Variants in B4GALT5 observed in about 807,000 individuals in gnomAD.
B4GALT5 encodes UDP-Gal:beta-GlcNAc beta-1,4-galactosyltransferase 5.
In B4GALT5, 11 loss-of-function variants were observed where a neutral mutation model predicts 45.0. That is an observed-to-expected ratio of 0.24 (90% CI 0.15 to 0.40). B4GALT5 has a LOEUF of 0.40. Ranked by LOEUF, B4GALT5 falls within the 10% of genes least tolerant of loss-of-function variation. The pLI is 1.00. For missense variants in B4GALT5, 337 were observed against 500.2 expected, an observed-to-expected ratio of 0.67 and a Z score of 3.11; for synonymous variants, 185 against 182.9, an observed-to-expected ratio of 1.01 and a Z score of -0.09.
chr20:49,639,673 G>C lies in B4GALT5; in HGVS notation c.917+5C>G, dbSNP rs759902427. The C allele has an allele frequency of 6.2e-7, 1 of 1,613,224 alleles. No individual in the cohort carries two copies. Among genetic ancestry groups the C allele is most frequent in the African/African-American group, 1.3e-5 (1 of 75,020 alleles). ...TAGAAGACACCGAAAGAACGGCAGA[G>C]GTACCTGTTCCAGAGGTCGTCATCT... is the stretch of plus-strand genomic sequence containing the variant. On this transcript the variant is annotated splice_donor_5th_base_variant and intron_variant, in intron 7 of 8. Transcript: ENST00000371711.
intron 1 of B4GALT5, among the ~76,000 whole-genome samples, chr20:49,709,337 G>A (rs2085898043): frequency 2.0e-5 from 3 of 152,070 alleles, no homozygotes; most frequent in African/African-American, 7.2e-5. Flanking sequence ...GAAGAGAAGG[G>A]ACATCACATT....
chr20:49,644,224 G>A (rs2085589578), intron 3 of B4GALT5, among the ~76,000 whole-genome samples: 2 of 151,898 alleles, frequency 1.3e-5, no homozygotes, highest in African/African-American at 4.8e-5. Flanking sequence ...ACTGTGCCCA[G>A]CCTTCTTTTT....
At position 49,643,635 on chromosome 20, in the gene B4GALT5, A is replaced by G; in HGVS notation, c.380T>C (p.Ile127Thr). Residue 127 changes from isoleucine to threonine, a missense_variant, in exon 4 of 9, where the codon ATA becomes ACA. Physicochemically the swap from Ile to Thr is moderately conservative, Grantham distance 89. Coordinates refer to ENST00000371711, the MANE Select transcript of B4GALT5 (RefSeq NM_004776.4). ...ATCCATTCCAATTTCACTCATGTTT[A>G]TGTCTATTGGGCCCTCTGAACAGAG... ...RLPSMKGPIDINMSEIGMDYI... is the reference protein window; with the variant it reads ...RLPSMKGPIDTNMSEIGMDYI... 1 of 1,613,926 alleles carries G rather than the reference A, an allele frequency of 6.2e-7. No homozygotes were observed. The highest frequency in any genetic ancestry group is 8.5e-7 in the Non-Finnish European group (1 of 1,179,912).
chr20:49,668,036 A>C (rs187597728), intron 1 of B4GALT5, among the ~76,000 whole-genome samples: 135 of 152,340 alleles, frequency 8.9e-4, no homozygotes, highest in Non-Finnish European at 1.6e-3. Context: ...TCATACAAAA[A>C]GTGTTTAAAG....
At chr20:49,696,290 C>G (rs1041625825) in intron 1 of B4GALT5, among the ~76,000 whole-genome samples, 3 of 151,938 alleles carry the variant, frequency 2.0e-5, no homozygotes, top group African/African-American at 7.3e-5. Context: ...GGAATCCAAT[C>G]AAAGAAAGAA....
At chr20:49,647,935 C>A (rs1568717343) in intron 2 of B4GALT5, among the ~76,000 whole-genome samples, 1 of 152,050 alleles carries the variant, frequency 6.6e-6, no homozygotes, top group African/African-American at 2.4e-5. Flanking sequence ...ACCTCCCAGT[C>A]CTCTGTCTCA....
intron 2 of B4GALT5, among the ~76,000 whole-genome samples, chr20:49,652,179 C>T (rs753279716): frequency 7.9e-5 from 12 of 152,060 alleles, no homozygotes; most frequent in Non-Finnish European, 1.6e-4. Flanking sequence ...ACTTTGGAAA[C>T]GTCCTTGGGA....
At chr20:49,648,228 G>A (rs935873124) in intron 2 of B4GALT5, among the ~76,000 whole-genome samples, 2 of 152,284 alleles carry the variant, frequency 1.3e-5, no homozygotes, top group East Asian at 1.9e-4. Context: ...CAGAATGGTA[G>A]AGTCCTGACT....
At chr20:49,666,804 A>G (rs1256383742) in intron 1 of B4GALT5, among the ~76,000 whole-genome samples, 1 of 152,254 alleles carries the variant, frequency 6.6e-6, no homozygotes, top group East Asian at 1.9e-4. Context: ...TGGAAAAAGC[A>G]CAACCTGAAA....
In B4GALT5 at chr20:49,640,813, G is replaced by C. The variant is rs2085573964; in HGVS notation, c.607-148C>G. On this transcript the variant is annotated intron_variant, in intron 5 of 8. Coordinates refer to ENST00000371711, the MANE Select transcript of B4GALT5 (RefSeq NM_004776.4). ...GTCCAACACCACAAATCAACTCACA[G>C]TGTGGCTCAGAAGTCACTGGACCTC... 11 of 811,884 alleles carry C rather than the reference G, an allele frequency of 1.4e-5. No homozygotes were observed. The South Asian group carries it at 2.0e-4, about 15-fold the overall frequency. The allele number at this position is 811,884 out of a possible 1,614,324, so 50.3% of individuals were successfully genotyped here.
intron 1 of B4GALT5, among the ~76,000 whole-genome samples, chr20:49,682,290 C>T (rs1382502383): frequency 6.6e-6 from 1 of 152,204 alleles, no homozygotes; most frequent in East Asian, 1.9e-4. Flanking sequence ...ACTACTGCTT[C>T]GGCATTGCAG....
chr20:49,664,722 G>A (rs2085681632), intron 1 of B4GALT5, among the ~76,000 whole-genome samples: 1 of 152,160 alleles, frequency 6.6e-6, no homozygotes, highest in Admixed American at 6.5e-5. Context: ...CTGTGATTAT[G>A]CATAATGCGC....
At chr20:49,690,606 C>G (rs1296542851) in intron 1 of B4GALT5, among the ~76,000 whole-genome samples, 1 of 150,366 alleles carries the variant, frequency 6.7e-6, no homozygotes, top group African/African-American at 2.4e-5. Flanking sequence ...GTAAATGAAA[C>G]CATATTCCTG....
intron 5 of B4GALT5, 113 bp downstream of exon 5, chr20:49,642,355 G>C: frequency 5.0e-6 from 4 of 799,598 alleles, no homozygotes; most frequent in Middle Eastern, 2.7e-4. Context: ...CAGGCAACTC[G>C]ATCCTAAGAT....
intron 1 of B4GALT5, among the ~76,000 whole-genome samples, chr20:49,659,153 C>T (rs907242526): frequency 1.4e-4 from 21 of 152,306 alleles, no homozygotes; most frequent in Middle Eastern, 6.8e-3. Flanking sequence ...AATGCTTACT[C>T]TTAAGGAGAT....
intron 1 of B4GALT5, among the ~76,000 whole-genome samples, chr20:49,661,705 C>T (rs991763978): frequency 8.5e-5 from 13 of 152,184 alleles, no homozygotes; most frequent in African/African-American, 3.1e-4. Context: ...AGGCACCGTA[C>T]GAGGGCACTG....
intron 2 of B4GALT5, among the ~76,000 whole-genome samples, chr20:49,652,831 G>A (rs2085627775): frequency 6.6e-6 from 1 of 152,186 alleles, no homozygotes; most frequent in Non-Finnish European, 1.5e-5. Flanking sequence ...CTGAATGTGG[G>A]TATGTGCCTC....
chr20:49,699,704 C>A (rs1387167627), intron 1 of B4GALT5, among the ~76,000 whole-genome samples: 2 of 152,156 alleles, frequency 1.3e-5, no homozygotes, highest in African/African-American at 4.8e-5. Context: ...AGAGAAAAGT[C>A]AAGGTAGGAA....
intron 1 of B4GALT5, among the ~76,000 whole-genome samples, chr20:49,682,762 T>TAA (rs11473686): frequency 0.49 from 74,449 of 151,916 alleles, 18,726 homozygotes; most frequent in South Asian, 0.65. Context: ...TAAATGTAGT[T>TAA]AAGAGTATTA....
Sources: gnomAD v4.1 joint callset for allele counts (sites outside exome capture counted in the v4.1 genomes callset) on GRCh38, gnomAD v4.1.1 for gene constraint, MANE v1.5 for transcripts, NCBI Gene and HGNC (gene_info 2026-07-23, HGNC 2026-07-21) for gene names.